SLIT3: variants seen among roughly 807,000 people sequenced by gnomAD.
The protein encoded by SLIT3 is slit guidance ligand 3.
SLIT3 carries 68 observed loss-of-function variants against 184.0 expected under a neutral mutation model. The ratio of observed to expected loss-of-function variants is 0.37; its 90% CI spans 0.30 to 0.45. SLIT3 has a LOEUF of 0.45. Among genes scored for constraint, SLIT3 ranks in the 20% least tolerant of loss-of-function variants. The probability of loss-of-function intolerance (pLI) is 1.00; values close to 1 mark genes in which losing one functional copy is unlikely to be tolerated. For missense variants in SLIT3, 1,707 were observed against 2,026.0 expected (o/e 0.84, Z 3.02); for synonymous variants, 831 against 828.6 (o/e 1.00, Z -0.05).
intron 5 of SLIT3, among the ~76,000 whole-genome samples, chr5:168,872,637 CTTCT>C (rs1240954972): frequency 9.9e-5 from 11 of 111,192 alleles, no homozygotes; most frequent in African/African-American, 3.4e-4. Flanking sequence ...TCTTCTTCTT[CTTCT>C]TTTTTTTTTT....
intron 3 of SLIT3, among the ~76,000 whole-genome samples, chr5:169,200,011 G>T (rs1298362260): frequency 2.0e-5 from 3 of 152,246 alleles, no homozygotes; most frequent in Non-Finnish European, 1.5e-5. Flanking sequence ...GTCACACTGT[G>T]TGAGGGTAAA....
At position 168,671,422 on chromosome 5, in the gene SLIT3, G is replaced by A. The variant is rs35568421; in HGVS notation, c.3903C>T (p.Gly1301=). 1.6e-3 allele frequency: 2,589 copies of A among 1,613,816 alleles called. 38 individuals carry two copies. In the African/African-American group the frequency reaches 0.031, roughly 19 times the overall value. Reference sequence around the variant, plus strand: ...GCACCTCATGGATGCATCCGTGGAAGCCGCCTAGAGGCCGGTCCGTGCCCT... The same window carrying A: ...GCACCTCATGGATGCATCCGTGGAAACCGCCTAGAGGCCGGTCCGTGCCCT... The part of the protein sequence containing the change: ...LRQGTDRPLG[G]FHGCIHEVRI... Residue 1301 remains glycine (G), a synonymous_variant, in exon 34 of 36, where the codon GGC becomes GGT. Coordinates refer to ENST00000519560, the MANE Select transcript of SLIT3 (RefSeq NM_003062.4).
intron 4 of SLIT3, among the ~76,000 whole-genome samples, chr5:169,126,957 C>G (rs1244567819): frequency 6.9e-6 from 1 of 145,254 alleles, no homozygotes; most frequent in Non-Finnish European, 1.5e-5. Flanking sequence ...CACATAATTA[C>G]AATGAAAAGT....
In SLIT3 at chr5:169,139,977, C is replaced by T. The variant is rs547554048; in HGVS notation, c.413+53502G>A. On this transcript the variant is annotated intron_variant, in intron 4 of 35. Transcript: ENST00000519560. ...GCTAACATGCCTCAGTAGGGAGGGG[C>T]GGGCTGGCCTGCTGCCACCTCTCCA... Among the ~76,000 whole-genome samples, 8 of 152,204 alleles carry T rather than the reference C, an allele frequency of 5.3e-5. No individual in the cohort carries two copies. In the South Asian group the frequency reaches 1.2e-3, roughly 24 times the overall value.
chr5:168,772,635 C>T lies in SLIT3; in HGVS notation c.1459+146G>A, dbSNP rs1318348133. On this transcript the variant is annotated intron_variant, in intron 14 of 35. Transcript: ENST00000519560. ...ATAAGGTAACTGGTTTTCTGCAGGG[C>T]TAACTGAATTTCCCCAATTTAATTT... 6 of 761,308 alleles carry T rather than the reference C, an allele frequency of 7.9e-6. No individual in the cohort carries two copies. The East Asian group carries it at 1.0e-4, about 13-fold the overall frequency. 47.2% of individuals were successfully genotyped at this position (761,308 alleles called of 1,614,324 possible).
intron 3 of SLIT3, among the ~76,000 whole-genome samples, chr5:169,240,090 ATT>A (rs1475180252): frequency 3.3e-5 from 5 of 151,988 alleles, no homozygotes; most frequent in Non-Finnish European, 7.4e-5. Flanking sequence ...TACTTTTCTT[ATT>A]AACTTCTTGA....
chr5:168,819,427 C>T (rs770699304), intron 7 of SLIT3, among the ~76,000 whole-genome samples: 3 of 152,214 alleles, frequency 2.0e-5, no homozygotes, highest in Non-Finnish European at 4.4e-5. Context: ...CCGTGGCATG[C>T]GCAGGCTGAG....
chr5:168,950,883 T>C (rs1247024893), intron 4 of SLIT3, among the ~76,000 whole-genome samples: 2 of 152,320 alleles, frequency 1.3e-5, no homozygotes, highest in Admixed American at 6.5e-5. Flanking sequence ...ATTCCATAAG[T>C]TGCATACTAG....
At chr5:168,749,333 G>T in intron 19 of SLIT3, 139 bp downstream of exon 19, 2 of 936,786 alleles carry the variant, frequency 2.1e-6, no homozygotes, top group Non-Finnish European at 3.2e-6. Flanking sequence ...TAGCAGATCT[G>T]CAGAGCTCTC....
intron 4 of SLIT3, among the ~76,000 whole-genome samples, chr5:168,923,515 TC>T (rs374847117): frequency 7.1e-6 from 1 of 141,574 alleles, no homozygotes; most frequent in African/African-American, 2.7e-5. Context: ...TTCCTAAATA[TC>T]TTTTTTTTTT....
intron 3 of SLIT3, among the ~76,000 whole-genome samples, chr5:169,210,691 T>G (rs1490010379): frequency 6.6e-6 from 1 of 151,792 alleles, no homozygotes; most frequent in Non-Finnish European, 1.5e-5. Flanking sequence ...GGACCAGAGG[T>G]AGGAATGAAT....
At chr5:169,089,321 G>A (rs1759478971) in intron 4 of SLIT3, among the ~76,000 whole-genome samples, 1 of 152,114 alleles carries the variant, frequency 6.6e-6, no homozygotes, top group Admixed American at 6.5e-5. Flanking sequence ...TCCTGAGAGT[G>A]TCTAAAGCCT....
At chr5:169,144,062 T>C (rs1330085320) in intron 4 of SLIT3, among the ~76,000 whole-genome samples, 1 of 152,222 alleles carries the variant, frequency 6.6e-6, no homozygotes, top group Non-Finnish European at 1.5e-5. Flanking sequence ...AGAATCTCCA[T>C]GGTGTAGATG....
intron 4 of SLIT3, among the ~76,000 whole-genome samples, chr5:169,147,763 G>C (rs1323294862): frequency 1.3e-5 from 2 of 152,148 alleles, no homozygotes; most frequent in Non-Finnish European, 2.9e-5. Context: ...CTTTTCAGTA[G>C]AGGGTGTCTG....
chr5:168,739,759 A>G (rs1014737727), intron 20 of SLIT3, among the ~76,000 whole-genome samples: 3 of 152,138 alleles, frequency 2.0e-5, no homozygotes, highest in Non-Finnish European at 2.9e-5. Context: ...CCCTTTTCAA[A>G]TACATTTCTG....
chr5:168,895,123 T>G (rs1041591144), intron 4 of SLIT3, among the ~76,000 whole-genome samples: 1 of 152,198 alleles, frequency 6.6e-6, no homozygotes, highest in Non-Finnish European at 1.5e-5. Context: ...TTGGGAGAAG[T>G]TGAAGCCACT....
chr5:168,666,231 G>T lies in SLIT3; in HGVS notation c.*223C>A. 2.3e-6 allele frequency: 1 copy of T among 426,138 alleles called. No homozygotes were observed. The highest frequency in any genetic ancestry group is 2.0e-5 in the African/African-American group (1 of 49,854). 26.4% of individuals were successfully genotyped at this position (426,138 alleles called of 1,614,324 possible). A position where few individuals can be genotyped will look rare whatever the true frequency, so the allele number is the denominator to read the frequency against. The stretch of plus-strand genomic sequence containing the variant: ...ACTCACTATATGGTACATATACGCA[G>T]ATGGTGTAATATATTTATATAATAA... On this transcript the variant is annotated 3_prime_UTR_variant, in exon 36 of 36. Transcript: ENST00000519560.
chr5:168,830,531 C>T (rs1161627364), intron 6 of SLIT3, among the ~76,000 whole-genome samples: 1 of 152,204 alleles, frequency 6.6e-6, no homozygotes, highest in African/African-American at 2.4e-5. Flanking sequence ...CGCTTTGAAG[C>T]TTGCCAAAAT....
chr5:168,981,266 G>C (rs1013850563), intron 4 of SLIT3, among the ~76,000 whole-genome samples: 2 of 152,110 alleles, frequency 1.3e-5, no homozygotes, highest in East Asian at 3.8e-4. Flanking sequence ...GGCTCACTGT[G>C]GGGTGCATGC....
Sources: gnomAD v4.1 joint callset for allele counts (sites outside exome capture counted in the v4.1 genomes callset) on GRCh38, gnomAD v4.1.1 for gene constraint, MANE v1.5 for transcripts, NCBI Gene and HGNC (gene_info 2026-07-23, HGNC 2026-07-21) for gene names.